HSPG2: variants seen among roughly 807,000 people sequenced by gnomAD.
HSPG2 encodes the protein basement membrane-specific heparan sulfate proteoglycan core protein.
Under a neutral mutation model 526.6 loss-of-function variants are expected in HSPG2, and 278 were observed. That is an observed-to-expected ratio of 0.53 (90% CI 0.48 to 0.58). HSPG2 has a LOEUF of 0.58. Ranked by LOEUF, HSPG2 falls within the 20% of genes least tolerant of loss-of-function variation. HSPG2 has a pLI of 0.00. For missense variants in HSPG2, 5,354 were observed against 6,099.5 expected, an observed-to-expected ratio of 0.88 and a Z score of 4.07; for synonymous variants, 2,465 against 2,555.4, an observed-to-expected ratio of 0.96 and a Z score of 1.07.
chr1:21,922,731 C>T (rs1244624141), intron 1 of HSPG2, among the ~76,000 whole-genome samples: 1 of 152,108 alleles, frequency 6.6e-6, no homozygotes, highest in Admixed American at 6.5e-5. Flanking sequence ...GCCTAGGAGG[C>T]CACAGTCCTC....
intron 1 of HSPG2, among the ~76,000 whole-genome samples, chr1:21,923,008 G>A (rs1187691241): frequency 2.0e-5 from 3 of 148,324 alleles, no homozygotes; most frequent in Non-Finnish European, 4.5e-5. Flanking sequence ...AGGGAGGAAA[G>A]TGAAAAGCAG....
chr1:21,888,640 T>G (rs758685672), intron 6 of HSPG2: 1 of 1,359,166 alleles, frequency 7.4e-7, no homozygotes, highest in Non-Finnish European at 9.8e-7. Flanking sequence ...GGAACCTGGC[T>G]GGGCCTCGGC....
chr1:21,869,502 A>AGAG (rs1264935753), intron 33 of HSPG2: 3 of 985,638 alleles, frequency 3.0e-6, no homozygotes, highest in African/African-American at 3.5e-5. Context: ...AAGCTGAGGA[A>AGAG]GAGGAGGAGG....
Position 21,878,588 on chromosome 1 carries a change from G to T in HSPG2, c.2547C>A (p.Arg849=). 1 of 1,614,136 alleles carries T rather than the reference G, an allele frequency of 6.2e-7. No homozygotes were observed. Among genetic ancestry groups the T allele is most frequent in the Non-Finnish European group, 8.5e-7 (1 of 1,180,028 alleles). The change falls in exon 19 of 97, where the codon CGC becomes CGA. Residue 849 remains arginine, a synonymous_variant. Transcript: ENST00000374695. ...AGGCTCTCCCTCACCTCTCACAGCGGCGGCCAGTGTAGCCTGGGGCACAGG... is the reference window on the plus strand; with the variant it reads ...AGGCTCTCCCTCACCTCTCACAGCGTCGGCCAGTGTAGCCTGGGGCACAGG... ...CDACAPGYTG[R]RCESCAPGYE...
intron 40 of HSPG2, 71 bp downstream of exon 40, chr1:21,860,106 C>T (rs990706144): frequency 1.2e-6 from 2 of 1,604,436 alleles, no homozygotes; most frequent in African/African-American, 1.3e-5. Context: ...TCCCCAGACC[C>T]AGTATCCCCC....
In HSPG2 at chr1:21,880,725, G is replaced by A. The variant is rs1435863744; in HGVS notation, c.1929C>T (p.Arg643=). 1 of 1,601,282 alleles carries A rather than the reference G, an allele frequency of 6.2e-7. No homozygotes were observed. The highest frequency in any genetic ancestry group is 8.5e-7 in the Non-Finnish European group (1 of 1,174,496). Residue 643 remains arginine (R), a synonymous_variant, in exon 15 of 97, where the codon CGC becomes CGT. Transcript: ENST00000374695. ...PDVVLMGAGY[R]LLSRGHTPTQ... Reference sequence around the variant, plus strand: ...TGGGTGTGTGGCCTCGGGAGAGGAGGCGGTACCCGGCACCCATGAGGACCA... The same window carrying A: ...TGGGTGTGTGGCCTCGGGAGAGGAGACGGTACCCGGCACCCATGAGGACCA...
intron 33 of HSPG2, among the ~76,000 whole-genome samples, chr1:21,868,660 A>ACAGGGGTCAGGGGCCAGGGGT (rs559960472): frequency 3.3e-5 from 5 of 152,130 alleles, no homozygotes; most frequent in African/African-American, 9.7e-5. Flanking sequence ...AGCTCCTCTG[A>ACAGGGGTCAGGGGCCAGGGGT]CAGGGGTCAG....
Position 21,847,011 on chromosome 1 carries a change from A to G in HSPG2, c.8164+343T>C, listed in dbSNP as rs976786206. On this transcript the variant is annotated intron_variant, in intron 62 of 96. Coordinates refer to ENST00000374695, the MANE Select transcript of HSPG2 (RefSeq NM_005529.7). This position sits in a 1 kb window ranked among gnomAD's most constrained non-coding sequence, Gnocchi z 4.1. ...CGAGACTCCCTCTCAAAAAAAAAAA[A>G]ATGATAATAATAGTTAACACTTATA... 6.6e-6 allele frequency among the ~76,000 whole-genome samples: 1 copy of G among 152,156 alleles called. No individual in the cohort carries two copies. Among genetic ancestry groups the G allele is most frequent in the Non-Finnish European group, 1.5e-5 (1 of 68,042 alleles).
In HSPG2 at chr1:21,847,769, G is replaced by C. The variant is rs1431583199; in HGVS notation, c.7945C>G (p.Leu2649Val). The C allele has an allele frequency of 6.2e-7, 1 of 1,613,690 alleles. No homozygotes were observed. Among genetic ancestry groups the C allele is most frequent in the South Asian group, 1.1e-5 (1 of 91,060 alleles). The change falls in exon 61 of 97, where the codon CTG (leucine) becomes GTG (valine). Residue 2649 changes from leucine to valine, a missense_variant. Physicochemically the swap from Leu to Val is conservative, Grantham distance 32 (BLOSUM62 1). Coordinates refer to ENST00000374695, the MANE Select transcript of HSPG2 (RefSeq NM_005529.7). This position sits in a 1 kb window ranked among gnomAD's most constrained non-coding sequence, Gnocchi z 4.1. ...GGCTGCCTGGCGACCACGCAGTTCA[G>C]ATCCAAGGTCTGCCCTTCCACCACC... ...PTVVEGQTLD[L>V]NCVVARQPQA...
At chr1:21,875,515 G>C (rs974457817) in intron 25 of HSPG2, 114 bp downstream of exon 25, 2 of 825,286 alleles carry the variant, frequency 2.4e-6, no homozygotes, top group African/African-American at 3.3e-5. Flanking sequence ...TACAGACAGG[G>C]AAAGTGAGGC....
chr1:21,915,198 G>GTGCCCAC (rs113482179), intron 1 of HSPG2, among the ~76,000 whole-genome samples: 140,492 of 152,118 alleles, frequency 0.92, 65,652 homozygotes, highest in South Asian at 0.99. Flanking sequence ...AGCGGGCAGG[G>GTGCCCAC]TGCCCCCGTC....
At chr1:21,855,247 TG>T in intron 47 of HSPG2, 56 bp downstream of exon 47, 4 of 1,558,408 alleles carry the variant, frequency 2.6e-6, no homozygotes, top group South Asian at 2.3e-5. Flanking sequence ...GGAAGGTGGC[TG>T]GGACTCTCTG....
chr1:21,822,267 A>AAG lies in HSPG2; in HGVS notation c.*1047_*1048dup. 1 of 1,572,166 alleles carries AAG rather than the reference A, an allele frequency of 6.4e-7. No individual in the cohort carries two copies. Among genetic ancestry groups the AAG allele is most frequent in the Non-Finnish European group, 8.8e-7 (1 of 1,142,170 alleles). ...CCTGGCGGGGATAGCACCGTTTATT[A>AAG]AGAAAAATCAAGACAAAGACCACAG... is the stretch of plus-strand genomic sequence containing the variant. On this transcript the variant is annotated 3_prime_UTR_variant, in exon 97 of 97. Coordinates refer to ENST00000374695, the MANE Select transcript of HSPG2 (RefSeq NM_005529.7).
At chr1:21,931,653 C>A (rs1557842557) in intron 1 of HSPG2, among the ~76,000 whole-genome samples, 1 of 152,190 alleles carries the variant, frequency 6.6e-6, no homozygotes, top group African/African-American at 2.4e-5. Flanking sequence ...TTCCCATATA[C>A]CCCAAGTAGT....
intron 33 of HSPG2, chr1:21,869,593 T>C: frequency 1.0e-6 from 1 of 985,808 alleles, no homozygotes; most frequent in South Asian, 4.7e-5. Context: ...GGGAGGGGGT[T>C]GGGGTTGGGC....
intron 95 of HSPG2, 127 bp downstream of exon 95, chr1:21,823,994 C>T (rs1157381138): frequency 2.0e-6 from 2 of 1,000,672 alleles, no homozygotes; most frequent in South Asian, 1.4e-5. Context: ...GGTGGGTTCT[C>T]CCCTCCCCTG....
intron 1 of HSPG2, chr1:21,908,579 A>G (rs1572427057): frequency 1.4e-6 from 1 of 699,074 alleles, no homozygotes; most frequent in East Asian, 2.6e-5. Context: ...TTCACGGCAT[A>G]ATAGGTATTT....
Position 21,885,093 on chromosome 1 carries a change from G to A in HSPG2, c.1275C>T (p.Thr425=), listed in dbSNP as rs892239082. Residue 425 remains threonine, a synonymous_variant, in exon 11 of 97, where the codon ACC becomes ACT. Coordinates refer to ENST00000374695, the MANE Select transcript of HSPG2 (RefSeq NM_005529.7). The stretch of plus-strand genomic sequence containing the variant: ...GGACGCCAATGGCCACGCAGGTGAA[G>A]GTCACTGTCTGGCCCCGGGAAGCCT... The part of the protein sequence containing the change: ...SIQASRGQTV[T]FTCVAIGVPT... 1 of 1,613,582 alleles carries A rather than the reference G, an allele frequency of 6.2e-7. No homozygotes were observed. The highest frequency in any genetic ancestry group is 1.7e-5 in the Admixed American group (1 of 60,008).
At position 21,873,937 on chromosome 1, in the gene HSPG2, C is replaced by T. The variant is rs368605307; in HGVS notation, c.3731G>A (p.Arg1244His). Residue 1244 changes from arginine to histidine, a missense_variant, in exon 29 of 97, where the codon CGT (arginine) becomes CAT (histidine). Arg to His is a conservative substitution (Grantham distance 29). Transcript: ENST00000374695. ...CDACSPGHSG[R>H]HCERCAPGYY... Reference sequence around the variant, plus strand: ...CCCCCTGCCTCACCTCTCACAGTGACGCCCACTGTGGCCTGGGGAGCACGC... The same window carrying T: ...CCCCCTGCCTCACCTCTCACAGTGATGCCCACTGTGGCCTGGGGAGCACGC... 56 of 1,593,686 alleles carry T rather than the reference C, an allele frequency of 3.5e-5. No individual in the cohort carries two copies. The highest frequency in any genetic ancestry group is 1.8e-4 in the Middle Eastern group (1 of 5,686).
Sources: allele counts gnomAD v4.1 joint callset (sites outside exome capture counted in the v4.1 genomes callset), GRCh38; gene constraint gnomAD v4.1.1; non-coding constraint Gnocchi (gnomAD v3.1); transcripts MANE v1.5; gene names NCBI Gene and HGNC (gene_info 2026-07-23, HGNC 2026-07-21).